The following PADI3 variants were observed in gnomAD, a reference collection of about 807,000 sequenced individuals.
The protein encoded by PADI3 is peptidyl arginine deiminase 3.
A neutral mutation model predicts 71.5 loss-of-function variants in PADI3; 53 were observed. That is an observed-to-expected ratio of 0.74 (90% CI 0.59 to 0.93). The LOEUF (loss-of-function observed/expected upper bound fraction) is 0.93. Ranked by LOEUF, PADI3 falls within the 40% of genes least tolerant of loss-of-function variation. The probability of loss-of-function intolerance (pLI) is 0.00; values close to 1 mark genes in which losing one functional copy is unlikely to be tolerated. For missense variants in PADI3, 821 were observed against 868.0 expected (o/e 0.95, Z 0.68); for synonymous variants, 361 against 347.5 (o/e 1.04, Z -0.43).
Position 17,270,951 on chromosome 1 carries a change from A to G in PADI3, c.904A>G (p.Thr302Ala). ...GGCACCCTGGATCATGACGCCCAGC[A>G]CTCTGCCACCCCTAGAGGTGTATGT... The part of the protein sequence containing the change: ...RVAPWIMTPS[T>A]LPPLEVYVCR... The change falls in exon 8 of 16, where the codon ACT (threonine) becomes GCT (alanine). Residue 302 changes from threonine (T) to alanine (A), a missense_variant. Physicochemically the swap from Thr to Ala is moderately conservative, Grantham distance 58. Transcript: ENST00000375460. The G allele has an allele frequency of 6.2e-7, 1 of 1,613,750 alleles. No homozygotes were observed. Among genetic ancestry groups the G allele is most frequent in the South Asian group, 1.1e-5 (1 of 91,062 alleles).
At chr1:17,268,925 G>A (rs1290199513) in intron 6 of PADI3, among the ~76,000 whole-genome samples, 7 of 132,744 alleles carry the variant, frequency 5.3e-5, no homozygotes, top group African/African-American at 8.7e-5. Flanking sequence ...TTGCTCTGTT[G>A]CCCGGGCTGG....
intron 6 of PADI3, 130 bp downstream of exon 6, chr1:17,268,092 G>A (rs1488820798): frequency 3.8e-5 from 41 of 1,075,338 alleles, no homozygotes; most frequent in Non-Finnish European, 4.2e-5. Context: ...GGTGGGTGGC[G>A]GGTCGCAGTA....
At chr1:17,267,564 C>A (rs2073187124) in intron 5 of PADI3, among the ~76,000 whole-genome samples, 1 of 152,304 alleles carries the variant, frequency 6.6e-6, no homozygotes, top group East Asian at 1.9e-4. Context: ...CATGGCCTTA[C>A]CCTCCTTGCT....
At chr1:17,280,818 C>A in intron 15 of PADI3, 22 bp downstream of exon 15, 1 of 1,611,704 alleles carries the variant, frequency 6.2e-7, no homozygotes, top group Admixed American at 1.7e-5. Context: ...ACCCATGACT[C>A]CTTTGCCAAA....
chr1:17,257,552 A>G (rs2100561060), intron 1 of PADI3, among the ~76,000 whole-genome samples: 1 of 152,382 alleles, frequency 6.6e-6, no homozygotes, highest in South Asian at 2.1e-4. Context: ...GAGGAGAAAC[A>G]GGTGTGTCTG....
chr1:17,276,046 C>T (rs541276842), intron 11 of PADI3, among the ~76,000 whole-genome samples: 36 of 152,230 alleles, frequency 2.4e-4, no homozygotes, highest in African/African-American at 8.7e-4. Context: ...TTAAAATATA[C>T]GTATCTGGCT....
chr1:17,277,660 C>T lies in PADI3; in HGVS notation c.1555+784C>T, dbSNP rs2073352814. On this transcript the variant is annotated intron_variant, in intron 13 of 15. Transcript: ENST00000375460. ...GCTCCCTGGAGCCTCAGTGCAAGGC[C>T]TCCCCCATCTCTGTCACTGTCCTGA... Among the ~76,000 whole-genome samples, 5 of 152,352 alleles carry T rather than the reference C, an allele frequency of 3.3e-5. No individual in the cohort carries two copies. The South Asian group carries it at 1.0e-3, about 32-fold the overall frequency.
chr1:17,256,476 G>C (rs766804307), intron 1 of PADI3, among the ~76,000 whole-genome samples: 1 of 152,232 alleles, frequency 6.6e-6, no homozygotes, highest in Non-Finnish European at 1.5e-5. Context: ...GTTCACCTGT[G>C]CTAAGCCCTT....
chr1:17,281,937 G>A (rs1324053176), intron 15 of PADI3, among the ~76,000 whole-genome samples: 1 of 152,114 alleles, frequency 6.6e-6, no homozygotes, highest in African/African-American at 2.4e-5. Context: ...AGGTCACCCA[G>A]CTCCCCTCTC....
intron 3 of PADI3, among the ~76,000 whole-genome samples, chr1:17,264,807 T>G (rs890418115): frequency 1.3e-5 from 2 of 151,942 alleles, no homozygotes; most frequent in Non-Finnish European, 2.9e-5. Flanking sequence ...GCCCAGTAGT[T>G]CAAGACCAGC....
chr1:17,262,290 A>T (rs183875589), intron 3 of PADI3, 85 bp downstream of exon 3: 1 of 979,878 alleles, frequency 1.0e-6, no homozygotes, highest in Admixed American at 3.3e-5. Flanking sequence ...TTGAAAATTA[A>T]ACCTCCTTCC....
chr1:17,282,853 T>A lies in PADI3; in HGVS notation c.1769T>A (p.Met590Lys). The A allele has an allele frequency of 6.2e-7, 1 of 1,610,266 alleles. No homozygotes were observed. The highest frequency in any genetic ancestry group is 8.5e-7 in the Non-Finnish European group (1 of 1,178,082). Residue 590 changes from methionine (M) to lysine (K), a missense_variant, in exon 16 of 16, where the codon ATG becomes AAG. Met to Lys is a moderately conservative substitution (Grantham distance 95). Transcript: ENST00000375460. ...TTCCCCTTTGGACTGCAGGTGAACA[T>A]GCTGGTGCTGGGGAAGCACCTGGGC... ...ATAFFPDLVN[M>K]LVLGKHLGIP...
intron 11 of PADI3, 35 bp from the exon 12 acceptor site, chr1:17,276,484 T>C: frequency 2.5e-6 from 4 of 1,612,348 alleles, no homozygotes; most frequent in Non-Finnish European, 3.4e-6. Context: ...GTCTTTTTAG[T>C]TAAGCAACTT....
intron 10 of PADI3, 71 bp downstream of exon 10, chr1:17,273,518 G>A (rs2100591991): frequency 2.1e-6 from 2 of 946,302 alleles, no homozygotes; most frequent in South Asian, 1.4e-5. Flanking sequence ...ACCGGGGTGT[G>A]GGGTACAGAG....
At chr1:17,271,852 AAAAGAGAG>A (rs1200842204) in intron 9 of PADI3, among the ~76,000 whole-genome samples, 31 of 145,356 alleles carry the variant, frequency 2.1e-4, no homozygotes, top group African/African-American at 7.2e-4. Flanking sequence ...AAAAAAAAAA[AAAAGAGAG>A]AGAGAGAGAG....
chr1:17,268,872 G>A (rs1325310309), intron 6 of PADI3, among the ~76,000 whole-genome samples: 1 of 147,808 alleles, frequency 6.8e-6, no homozygotes, highest in African/African-American at 2.5e-5. Flanking sequence ...TTCTCTACCC[G>A]TCTCTAAATC....
intron 4 of PADI3, 141 bp downstream of exon 4, chr1:17,265,861 G>A (rs1246459745): frequency 2.9e-6 from 2 of 695,054 alleles, no homozygotes; most frequent in East Asian, 2.7e-5. Context: ...CAGAAACCAG[G>A]CATGGCTGGG....
intron 1 of PADI3, among the ~76,000 whole-genome samples, chr1:17,250,507 G>T (rs2072952947): frequency 6.6e-6 from 1 of 152,170 alleles, no homozygotes; most frequent in Non-Finnish European, 1.5e-5. Context: ...GCAGCGATGG[G>T]GTTGATCCAG....
rs1321601982 is a variant in PADI3, at chr1:17,283,324, C to T, written c.*245C>T. The T allele has an allele frequency of 8.3e-5, 41 of 494,946 alleles. No homozygotes were observed. The highest frequency in any genetic ancestry group is 1.4e-4 in the Non-Finnish European group (38 of 274,878). 30.7% of individuals were successfully genotyped at this position (494,946 alleles called of 1,614,324 possible). A position where few individuals can be genotyped will look rare whatever the true frequency, so the allele number is the denominator to read the frequency against. On this transcript the variant is annotated 3_prime_UTR_variant, in exon 16 of 16. Coordinates refer to ENST00000375460, the MANE Select transcript of PADI3 (RefSeq NM_016233.2). ...AGAAGGACCTCATTTCTTATAGCCTCTCCTGTGATTCAACACAACCCATGG... is the reference window on the plus strand; with the variant it reads ...AGAAGGACCTCATTTCTTATAGCCTTTCCTGTGATTCAACACAACCCATGG...
Sources: gnomAD v4.1 joint callset for allele counts (sites outside exome capture counted in the v4.1 genomes callset) on GRCh38, gnomAD v4.1.1 for gene constraint, MANE v1.5 for transcripts, NCBI Gene and HGNC (gene_info 2026-07-23, HGNC 2026-07-21) for gene names.